EVI5: variants seen among roughly 807,000 people sequenced by gnomAD.
The protein encoded by EVI5 is ecotropic viral integration site 5.
EVI5 carries 73 observed loss-of-function variants against 112.0 expected under a neutral mutation model. The ratio of observed to expected loss-of-function variants is 0.65; its 90% CI spans 0.54 to 0.79. The LOEUF is 0.79. Ranked by LOEUF, EVI5 falls within the 30% of genes least tolerant of loss-of-function variation. The pLI, the probability that EVI5 is intolerant of heterozygous loss-of-function variation, is 0.00. For missense variants in EVI5, 900 were observed against 968.8 expected, an observed-to-expected ratio of 0.93 and a Z score of 0.94; for synonymous variants, 305 against 319.9, an observed-to-expected ratio of 0.95 and a Z score of 0.50.
intron 19 of EVI5, among the ~76,000 whole-genome samples, chr1:92,523,314 C>T (rs1661276251): frequency 6.6e-6 from 1 of 151,956 alleles, no homozygotes. Context: ...GTTAACATCC[C>T]CCCTTCACCC....
chr1:92,636,391 A>C, intron 13 of EVI5, 55 bp from the exon 14 acceptor site: 1 of 1,432,284 alleles, frequency 7.0e-7, no homozygotes, highest in Non-Finnish European at 9.7e-7. Flanking sequence ...ATGTATATAC[A>C]ATAAAAACAA....
At chr1:92,597,262 G>A (rs1038636892) in intron 18 of EVI5, among the ~76,000 whole-genome samples, 3 of 152,036 alleles carry the variant, frequency 2.0e-5, no homozygotes, top group Non-Finnish European at 4.4e-5. Flanking sequence ...ATTAAGATAT[G>A]TCATATTTAT....
At chr1:92,601,040 T>A (rs1281010134) in intron 18 of EVI5, among the ~76,000 whole-genome samples, 1 of 152,100 alleles carries the variant, frequency 6.6e-6, no homozygotes, top group African/African-American at 2.4e-5. Flanking sequence ...GAGGTGAGAA[T>A]GCAAGGAGGA....
At chr1:92,522,489 A>G (rs1389026336) in intron 19 of EVI5, among the ~76,000 whole-genome samples, 2 of 151,964 alleles carry the variant, frequency 1.3e-5, no homozygotes, top group Non-Finnish European at 2.9e-5. Context: ...TACAAAAATC[A>G]GCCGGGTGTG....
chr1:92,626,332 T>A (rs1383534168), intron 14 of EVI5, among the ~76,000 whole-genome samples: 1 of 152,192 alleles, frequency 6.6e-6, no homozygotes, highest in Non-Finnish European at 1.5e-5. Flanking sequence ...ACAACCTTAC[T>A]TCACTTAGAA....
intron 18 of EVI5, among the ~76,000 whole-genome samples, chr1:92,568,198 C>A (rs1669780385): frequency 6.6e-6 from 1 of 151,762 alleles, no homozygotes; most frequent in South Asian, 2.1e-4. Context: ...CATGGCAAGA[C>A]CCTGTCTCTA....
chr1:92,586,974 A>G (rs191166597), intron 18 of EVI5, among the ~76,000 whole-genome samples: 2 of 152,174 alleles, frequency 1.3e-5, no homozygotes, highest in Admixed American at 6.5e-5. Flanking sequence ...ATGGTACTTA[A>G]GAGTCCAAAC....
intron 2 of EVI5, among the ~76,000 whole-genome samples, chr1:92,705,779 T>C (rs966820104): frequency 6.6e-6 from 1 of 152,200 alleles, no homozygotes; most frequent in African/African-American, 2.4e-5. Flanking sequence ...TCAGGAAAAG[T>C]CATCTGCTTA....
chr1:92,728,895 T>G (rs779086422), intron 2 of EVI5, among the ~76,000 whole-genome samples: 32 of 152,160 alleles, frequency 2.1e-4, no homozygotes, highest in Admixed American at 1.8e-3. Flanking sequence ...CTGGCTAATA[T>G]TTAGTAACCA....
chr1:92,702,441 C>CATAAAATAAA (rs57227203), intron 4 of EVI5, among the ~76,000 whole-genome samples: 18,979 of 140,040 alleles, frequency 0.14, 1,426 homozygotes, highest in East Asian at 0.24. Flanking sequence ...GCTCTAAAGA[C>CATAAAATAAA]ATAAAATAAA....
rs528426584 is a variant in EVI5 at position 92,580,172 on chromosome 1, T to C, written c.2071-16435A>G. 3.9e-5 allele frequency among the ~76,000 whole-genome samples: 6 copies of C among 152,268 alleles called. No homozygotes were observed. The South Asian group carries it at 1.2e-3, about 32-fold the overall frequency. On this transcript the variant is annotated intron_variant, in intron 18 of 19. Coordinates refer to ENST00000684568, the MANE Select transcript of EVI5 (RefSeq NM_001350197.2). The stretch of plus-strand genomic sequence containing the variant: ...TTTAAAATTAATTTATATGTAAACA[T>C]TTTTTTCAGCAAAATTCTAGAAGTT...
At chr1:92,757,200 C>T (rs1681084425) in intron 1 of EVI5, among the ~76,000 whole-genome samples, 1 of 152,214 alleles carries the variant, frequency 6.6e-6, no homozygotes, top group South Asian at 2.1e-4. Flanking sequence ...GACAAAAATG[C>T]TCACGTCCTG....
At chr1:92,631,560 T>C (rs1188235920) in intron 14 of EVI5, among the ~76,000 whole-genome samples, 2 of 152,218 alleles carry the variant, frequency 1.3e-5, no homozygotes, top group Non-Finnish European at 2.9e-5. Context: ...AAGTTGCTTA[T>C]CAGCTTAAGG....
In EVI5 at chr1:92,785,047, G is replaced by A. The variant is rs959056660; in HGVS notation, c.-293C>T. The stretch of plus-strand genomic sequence containing the variant: ...ACCGCCGCTGTCGGAACTGCAGCCA[G>A]CCCCTTGCCAGCTGGCCAGCTGGTT... On this transcript the variant is annotated 5_prime_UTR_variant, in exon 1 of 20. Transcript: ENST00000684568. The A allele has an allele frequency of 8.1e-6, 8 of 985,492 alleles. No individual in the cohort carries two copies. In the African/African-American group the frequency reaches 1.0e-4, roughly 13 times the overall value. The allele number at this position is 985,492 out of a possible 1,614,324, so 61.0% of individuals were successfully genotyped here. A position where few individuals can be genotyped will look rare whatever the true frequency, so the allele number is the denominator to read the frequency against.
intron 1 of EVI5, among the ~76,000 whole-genome samples, chr1:92,741,977 C>A (rs986817645): frequency 1.3e-5 from 2 of 151,960 alleles, no homozygotes; most frequent in African/African-American, 4.8e-5. Context: ...AAATTGGACT[C>A]CATCAAAATT....
intron 18 of EVI5, among the ~76,000 whole-genome samples, chr1:92,597,582 A>G (rs1389519141): frequency 1.3e-5 from 2 of 152,240 alleles, no homozygotes; most frequent in Non-Finnish European, 2.9e-5. Context: ...AAGAACATAT[A>G]CAAGTTGATA....
intron 19 of EVI5, among the ~76,000 whole-genome samples, chr1:92,555,977 C>T (rs149874378): frequency 2.0e-5 from 3 of 151,856 alleles, no homozygotes; most frequent in African/African-American, 7.2e-5. Context: ...TTCTTTTCTA[C>T]CTTTAGTATT....
rs1659136765 is a variant in EVI5, at chr1:92,510,698, A to C, written c.*2958T>G. On this transcript the variant is annotated 3_prime_UTR_variant, in exon 20 of 20. Coordinates refer to ENST00000684568, the MANE Select transcript of EVI5 (RefSeq NM_001350197.2). ...CTACTGTAGCACAAAGCGGCCATAC[A>C]CAATATTTAAAAGGGTGAGCATGGG... 1 of 152,210 alleles carries C rather than the reference A, an allele frequency of 6.6e-6. No homozygotes were observed. Among genetic ancestry groups the C allele is most frequent in the African/African-American group, 2.4e-5 (1 of 41,454 alleles). The allele number at this position is 152,210 out of a possible 1,614,324, so 9.4% of individuals were successfully genotyped here. A position where few individuals can be genotyped will look rare whatever the true frequency, so the allele number is the denominator to read the frequency against.
chr1:92,782,276 A>AACAC (rs531864899), intron 1 of EVI5, among the ~76,000 whole-genome samples: 1 of 151,830 alleles, frequency 6.6e-6, no homozygotes, highest in African/African-American at 2.4e-5. Context: ...ACAAACAAAA[A>AACAC]ACACACACAC....
Sources: gnomAD v4.1 joint callset for allele counts (sites outside exome capture counted in the v4.1 genomes callset) on GRCh38, gnomAD v4.1.1 for gene constraint, MANE v1.5 for transcripts, NCBI Gene and HGNC (gene_info 2026-07-23, HGNC 2026-07-21) for gene names.